Variants in FUT9 observed in about 807,000 individuals in gnomAD.
FUT9 encodes 4-galactosyl-N-acetylglucosaminide 3-alpha-L-fucosyltransferase 9.
A neutral mutation model predicts 29.7 loss-of-function variants in FUT9; 15 were observed. That is an observed-to-expected ratio of 0.51 (90% CI 0.34 to 0.78). The LOEUF (loss-of-function observed/expected upper bound fraction) is 0.78. FUT9 is among the 30% of genes least tolerant of loss of function. The probability of loss-of-function intolerance (pLI) is 0.01; values close to 1 mark genes in which losing one functional copy is unlikely to be tolerated. For synonymous variants in FUT9, 169 were observed against 153.7 expected (o/e 1.10, Z -0.74); for missense variants, 319 against 425.4 (o/e 0.75, Z 2.20).
intron 2 of FUT9, among the ~76,000 whole-genome samples, chr6:96,147,210 G>C (rs570707601): frequency 3.6e-4 from 53 of 149,124 alleles, no homozygotes; most frequent in African/African-American, 1.2e-3. Context: ...CGCCCAGGCT[G>C]GAGTGCAGTG....
At chr6:96,087,744 G>A (rs1377713813) in intron 1 of FUT9, among the ~76,000 whole-genome samples, 2 of 152,064 alleles carry the variant, frequency 1.3e-5, no homozygotes, top group Non-Finnish European at 2.9e-5. Flanking sequence ...CCATAATATA[G>A]TTTTTAGTTT....
chr6:96,022,491 AT>A (rs1770087057), intron 1 of FUT9, among the ~76,000 whole-genome samples: 1 of 152,000 alleles, frequency 6.6e-6, no homozygotes, highest in African/African-American at 2.4e-5. Context: ...ATCTCCTGAT[AT>A]TTCCAGTAGT....
Position 96,204,396 on chromosome 6 carries a change from G to A in FUT9, c.*161G>A, listed in dbSNP as rs1210799884. On this transcript the variant is annotated 3_prime_UTR_variant, in exon 3 of 3. Coordinates refer to ENST00000302103, the MANE Select transcript of FUT9 (RefSeq NM_006581.4). The stretch of plus-strand genomic sequence containing the variant: ...TTTGGTGGAGATTTTTAAAAGCTCA[G>A]CATGAGCAATCATTCCATTCGGTTT... 1 of 456,438 alleles carries A rather than the reference G, an allele frequency of 2.2e-6. No individual in the cohort carries two copies. The highest frequency in any genetic ancestry group is 3.9e-6 in the Non-Finnish European group (1 of 258,996). The allele number at this position is 456,438 out of a possible 1,614,324, so 28.3% of individuals were successfully genotyped here. A position where few individuals can be genotyped will look rare whatever the true frequency, so the allele number is the denominator to read the frequency against.
At position 96,085,095 on chromosome 6, in the gene FUT9, T is replaced by A. The variant is rs548184278; in HGVS notation, c.-97-28944T>A. On this transcript the variant is annotated intron_variant, in intron 1 of 2. Coordinates refer to ENST00000302103, the MANE Select transcript of FUT9 (RefSeq NM_006581.4). ...CATAAGGCTTTTATTTAAATTTTTT[T>A]AAAAATACAGTACAGCAAAAGAAAA... Among the ~76,000 whole-genome samples the A allele has an allele frequency of 2.3e-4, 35 of 152,212 alleles. 1 individual carries two copies. In the East Asian group the frequency reaches 3.5e-3, roughly 15 times the overall value.
intron 2 of FUT9, among the ~76,000 whole-genome samples, chr6:96,131,914 A>G (rs1772252145): frequency 6.6e-6 from 1 of 152,126 alleles, no homozygotes; most frequent in Non-Finnish European, 1.5e-5. Flanking sequence ...AGTAAATTAC[A>G]AGAGTTATTT....
At chr6:96,174,999 C>G (rs966428782) in intron 2 of FUT9, among the ~76,000 whole-genome samples, 3 of 152,022 alleles carry the variant, frequency 2.0e-5, no homozygotes, top group African/African-American at 4.8e-5. Flanking sequence ...GGATCTTAGA[C>G]TAAACATTGC....
intron 2 of FUT9, among the ~76,000 whole-genome samples, chr6:96,129,215 A>G (rs1772191271): frequency 6.8e-6 from 1 of 146,962 alleles, no homozygotes; most frequent in East Asian, 2.0e-4. Context: ...CAGTGAGCCG[A>G]GATCACGCCA....
At chr6:96,092,774 C>T (rs1247448972) in intron 1 of FUT9, among the ~76,000 whole-genome samples, 1 of 151,982 alleles carries the variant, frequency 6.6e-6, no homozygotes, top group Non-Finnish European at 1.5e-5. Context: ...ACCATTCTTT[C>T]CCTTTTCTTT....
chr6:96,151,763 C>G (rs944531442), intron 2 of FUT9, among the ~76,000 whole-genome samples: 1 of 152,114 alleles, frequency 6.6e-6, no homozygotes, highest in African/African-American at 2.4e-5. Flanking sequence ...AATACTTTAC[C>G]CTTTCTTTTT....
intron 1 of FUT9, among the ~76,000 whole-genome samples, chr6:96,019,923 A>C (rs1770039542): frequency 1.3e-5 from 2 of 152,120 alleles, no homozygotes. Flanking sequence ...GTCTTTCTAT[A>C]AAATAAAAAC....
chr6:96,041,210 C>T (rs1770453962), intron 1 of FUT9, among the ~76,000 whole-genome samples: 2 of 151,552 alleles, frequency 1.3e-5, no homozygotes, highest in South Asian at 4.2e-4. Flanking sequence ...GTTTATGTGT[C>T]CACAAAGCAG....
At chr6:96,127,351 T>G (rs1772152353) in intron 2 of FUT9, among the ~76,000 whole-genome samples, 1 of 152,206 alleles carries the variant, frequency 6.6e-6, no homozygotes, top group Non-Finnish European at 1.5e-5. Flanking sequence ...CCATCCATGT[T>G]GCTGCGAAGT....
chr6:96,180,273 A>G (rs973670820), intron 2 of FUT9, among the ~76,000 whole-genome samples: 4 of 152,070 alleles, frequency 2.6e-5, no homozygotes, highest in Non-Finnish European at 5.9e-5. Flanking sequence ...CAAATCTAGC[A>G]TAGTGGCATT....
chr6:96,055,945 G>A (rs976989204), intron 1 of FUT9, among the ~76,000 whole-genome samples: 3 of 151,852 alleles, frequency 2.0e-5, no homozygotes, highest in East Asian at 1.9e-4. Context: ...CTTCTATGTT[G>A]AAACAATTTA....
intron 1 of FUT9, among the ~76,000 whole-genome samples, chr6:96,055,826 T>G (rs918615915): frequency 6.6e-6 from 1 of 151,862 alleles, no homozygotes; most frequent in Non-Finnish European, 1.5e-5. Flanking sequence ...ATTAAAGGTG[T>G]GAGCCACTGA....
chr6:96,137,004 A>G (rs1320309244), intron 2 of FUT9, among the ~76,000 whole-genome samples: 2 of 152,028 alleles, frequency 1.3e-5, no homozygotes, highest in East Asian at 3.8e-4. Context: ...CAGAATTTAT[A>G]AATCTTTGAC....
intron 1 of FUT9, among the ~76,000 whole-genome samples, chr6:96,110,815 C>CTATTTTTTATGTATTTATT (rs11283884): frequency 1.4e-5 from 2 of 145,046 alleles, no homozygotes; most frequent in Non-Finnish European, 3.0e-5. Flanking sequence ...ACAAATGTGC[C>CTATTTTTTATGTATTTATT]TATTTATTTA....
intron 1 of FUT9, among the ~76,000 whole-genome samples, chr6:96,062,865 C>T (rs1033129810): frequency 6.6e-6 from 1 of 151,918 alleles, no homozygotes; most frequent in African/African-American, 2.4e-5. Context: ...AGATCAAAAA[C>T]AACAAAAAAG....
chr6:96,084,890 CGT>C (rs1771290822), intron 1 of FUT9, among the ~76,000 whole-genome samples: 2 of 152,054 alleles, frequency 1.3e-5, no homozygotes, highest in Non-Finnish European at 2.9e-5. Context: ...TACTATGTTT[CGT>C]GTGTGTCTAT....
Sources: allele counts gnomAD v4.1 joint callset (sites outside exome capture counted in the v4.1 genomes callset), GRCh38; gene constraint gnomAD v4.1.1; transcripts MANE v1.5; gene names NCBI Gene and HGNC (gene_info 2026-07-23, HGNC 2026-07-21).